The following RASA3 variants were observed in gnomAD, a reference collection of about 807,000 sequenced individuals.
The protein encoded by RASA3 is ras GTPase-activating protein 3.
RASA3 carries 73 observed loss-of-function variants against 110.0 expected under a neutral mutation model. The observed-to-expected ratio is 0.66, with a 90% CI of 0.55 to 0.81. The LOEUF (loss-of-function observed/expected upper bound fraction) is 0.81, where lower values mean the gene tolerates loss of function less well. Ranked by LOEUF, RASA3 falls within the 30% of genes least tolerant of loss-of-function variation. The pLI is 0.00. For synonymous variants in RASA3, 500 were observed against 451.4 expected, an observed-to-expected ratio of 1.11 and a Z score of -1.37; for missense variants, 976 against 1,113.2, an observed-to-expected ratio of 0.88 and a Z score of 1.75.
chr13:114,000,928 T>C lies in RASA3; in HGVS notation c.1747A>G (p.Met583Val), dbSNP rs900002303. The change falls in exon 19 of 24, where the codon ATG becomes GTG. Residue 583 changes from methionine to valine, a missense_variant. This residue lies in a region of RASA3 where 732 missense variants were observed against 779.7 expected (regional missense o/e 0.94). Coordinates refer to ENST00000334062, the MANE Select transcript of RASA3 (RefSeq NM_007368.4). ...EQPIVLKEGF[M>V]IKRAQGRKRF... is the part of the protein sequence containing the mutation. Reference sequence around the variant, plus strand: ...TTCCGTCCTTGGGCCCTCTTGATCATGAACCTGTGTGAAGAGCACACAGGG... The same window carrying C: ...TTCCGTCCTTGGGCCCTCTTGATCACGAACCTGTGTGAAGAGCACACAGGG... 3.1e-6 allele frequency: 5 copies of C among 1,609,140 alleles called. No individual in the cohort carries two copies. Among genetic ancestry groups the C allele is most frequent in the African/African-American group, 1.3e-5 (1 of 74,818 alleles).
chr13:114,080,864 CGTGTG>C (rs1594436338), intron 1 of RASA3, among the ~76,000 whole-genome samples: 1 of 146,630 alleles, frequency 6.8e-6, no homozygotes, highest in African/African-American at 2.6e-5. Flanking sequence ...CCAATAGTGC[CGTGTG>C]GCAGAGGGCC....
At chr13:114,061,234 C>A (rs565515864) in intron 2 of RASA3, among the ~76,000 whole-genome samples, 1 of 152,018 alleles carries the variant, frequency 6.6e-6, no homozygotes, top group East Asian at 1.9e-4. Flanking sequence ...TGCCTCGATG[C>A]GCGGGGCTCC....
chr13:114,127,290 G>A (rs534034013), intron 1 of RASA3, among the ~76,000 whole-genome samples: 40 of 152,286 alleles, frequency 2.6e-4, no homozygotes, highest in African/African-American at 6.0e-4. Flanking sequence ...GGCTGCCTCC[G>A]GGGTCCACAC....
intron 17 of RASA3, 128 bp from the exon 18 acceptor site, chr13:114,007,734 G>A: frequency 2.6e-6 from 2 of 775,196 alleles, no homozygotes; most frequent in Non-Finnish European, 4.4e-6. Flanking sequence ...ATCTGGGCAA[G>A]TGAGTCCTTC....
chr13:114,059,163 C>A (rs1476645681), intron 2 of RASA3, among the ~76,000 whole-genome samples: 1 of 152,144 alleles, frequency 6.6e-6, no homozygotes, highest in Non-Finnish European at 1.5e-5. Context: ...AGTGACAGGG[C>A]GAGATCCTGT....
intron 1 of RASA3, among the ~76,000 whole-genome samples, chr13:114,119,840 T>TCCC (rs1206526181): frequency 1.1e-4 from 9 of 79,358 alleles, no homozygotes; most frequent in African/African-American, 3.0e-4. Flanking sequence ...GTCCCCCCCT[T>TCCC]CTCTCCAGCC....
At chr13:114,031,672 C>T (rs552575687) in intron 4 of RASA3, among the ~76,000 whole-genome samples, 1 of 152,298 alleles carries the variant, frequency 6.6e-6, no homozygotes, top group South Asian at 2.1e-4. Context: ...CCTGTGTGTG[C>T]CGCTGTCCCT....
At chr13:114,035,555 C>T (rs1368431872) in intron 4 of RASA3, 1 of 152,372 alleles carries the variant, frequency 6.6e-6, no homozygotes, top group African/African-American at 2.4e-5. Context: ...CCCTATCCAT[C>T]TTTCTCAGGA....
rs548158295 is a variant in RASA3, at chr13:114,011,387, G to A, written c.1513-139C>T. 138 of 737,676 alleles carry A rather than the reference G, an allele frequency of 1.9e-4. 4 individuals carry two copies. The highest frequency in any genetic ancestry group is 1.6e-3 in the South Asian group (101 of 62,148). 45.7% of individuals were successfully genotyped at this position (737,676 alleles called of 1,614,324 possible). A position where few individuals can be genotyped will look rare whatever the true frequency, so the allele number is the denominator to read the frequency against. On this transcript the variant is annotated intron_variant, in intron 15 of 23. Transcript: ENST00000334062. The surrounding 1 kb of genome is among the most constrained non-coding windows in gnomAD (Gnocchi z 4.8). ...TGAGCTACGGAGAAACAGGGGTAGC[G>A]ACGCAGATGGGACTGGAGGGGGTGG...
rs779351306 is a variant in RASA3, at chr13:114,027,454, C to T, written c.538G>A (p.Ala180Thr). 3.7e-6 allele frequency: 6 copies of T among 1,611,062 alleles called. No homozygotes were observed. The highest frequency in any genetic ancestry group is 5.1e-6 in the Non-Finnish European group (6 of 1,177,414). The change falls in exon 7 of 24, where the codon GCA becomes ACA. Residue 180 changes from alanine (A) to threonine (T), a missense_variant. Transcript: ENST00000334062. ...TTCCTCTTCACTTTCGTCTTCTTTG[C>T]TTCTGATCTGTTATCAAGTGAGAAA... ...VTLAGPFRSE[A>T]KKTKVKRKTN...
At chr13:114,104,492 G>A (rs1360442490) in intron 1 of RASA3, among the ~76,000 whole-genome samples, 6 of 152,050 alleles carry the variant, frequency 3.9e-5, no homozygotes, top group African/African-American at 1.5e-4. Context: ...AGCAAGAACC[G>A]GCCTCTGCCT....
chr13:114,002,088 C>T (rs1208137198), intron 18 of RASA3, among the ~76,000 whole-genome samples: 3 of 152,198 alleles, frequency 2.0e-5, no homozygotes, highest in African/African-American at 4.8e-5. Context: ...CCAGAACCGG[C>T]GGCCGAGCTG....
chr13:113,980,990 CT>C (rs2052920807), intron 23 of RASA3, among the ~76,000 whole-genome samples: 1 of 152,202 alleles, frequency 6.6e-6, no homozygotes, highest in South Asian at 2.1e-4. Flanking sequence ...TTACCCGCCC[CT>C]GAATGAGCCC....
chr13:114,120,867 G>A lies in RASA3; in HGVS notation c.55+11568C>T, dbSNP rs147626325. On this transcript the variant is annotated intron_variant, in intron 1 of 23. Transcript: ENST00000334062. ...GCTCAAGCACCAATGTTTGTCCACC[G>A]TTTTCTTCTCACACAGATCTAAGAG... is the stretch of plus-strand genomic sequence containing the variant. Among the ~76,000 whole-genome samples the A allele has an allele frequency of 1.3e-3, 194 of 152,338 alleles. 2 individuals carry two copies. In the Middle Eastern group the frequency reaches 0.017, roughly 13 times the overall value.
intron 22 of RASA3, among the ~76,000 whole-genome samples, chr13:113,989,003 ATCCACCCATCACTCACCCATCTGTCAG>A (rs1307221076): frequency 6.4e-5 from 9 of 140,922 alleles, no homozygotes; most frequent in African/African-American, 1.4e-4. Flanking sequence ...CCATCGGCCC[ATCCACCCATCACTCACCCATCTGTCAG>A]TCCACCCATC....
chr13:113,998,423 C>T (rs932254192), intron 20 of RASA3, among the ~76,000 whole-genome samples: 1 of 152,224 alleles, frequency 6.6e-6, no homozygotes, highest in Non-Finnish European at 1.5e-5. Flanking sequence ...AAGGAACATG[C>T]GTCAACTTTG....
intron 2 of RASA3, among the ~76,000 whole-genome samples, chr13:114,067,069 C>G (rs1055498373): frequency 2.7e-5 from 4 of 146,788 alleles, no homozygotes; most frequent in Admixed American, 6.7e-5. Context: ...GGGCTGAGGA[C>G]AGGCCCCCCA....
intron 21 of RASA3, among the ~76,000 whole-genome samples, chr13:113,993,216 G>A (rs754509591): frequency 4.6e-5 from 7 of 152,086 alleles, no homozygotes; most frequent in South Asian, 2.1e-4. Flanking sequence ...ACCAGCACAC[G>A]TCAGGCTGGA....
At chr13:114,050,736 C>T (rs941305922) in intron 3 of RASA3, among the ~76,000 whole-genome samples, 1 of 152,244 alleles carries the variant, frequency 6.6e-6, no homozygotes, top group Admixed American at 6.5e-5. Context: ...CCTACTAGCC[C>T]GTTTCTCTCA....
Sources: gnomAD v4.1 joint callset for allele counts (sites outside exome capture counted in the v4.1 genomes callset) on GRCh38, gnomAD v4.1.1 for gene constraint, gnomAD v4.1.1 regional missense constraint, Gnocchi (gnomAD v3.1) non-coding constraint, MANE v1.5 for transcripts, NCBI Gene and HGNC (gene_info 2026-07-23, HGNC 2026-07-21) for gene names.